Variants in ADGRB3 observed in about 807,000 individuals in gnomAD.
ADGRB3 encodes adhesion G protein-coupled receptor B3.
A neutral mutation model predicts 193.4 loss-of-function variants in ADGRB3; 37 were observed. The observed-to-expected ratio is 0.19, with a 90% CI of 0.15 to 0.25. The LOEUF is 0.25. Among genes scored for constraint, ADGRB3 ranks in the 10% least tolerant of loss-of-function variants. The pLI is 1.00. For synonymous variants in ADGRB3, 690 were observed against 644.2 expected (o/e 1.07, Z -1.08); for missense variants, 1,637 against 1,852.9 (o/e 0.88, Z 2.14).
chr6:68,645,120 G>C (rs1057333331), intron 3 of ADGRB3, among the ~76,000 whole-genome samples: 1 of 151,946 alleles, frequency 6.6e-6, no homozygotes, highest in South Asian at 2.1e-4. Flanking sequence ...AAGCAGTCCG[G>C]CCCTTGGAAA....
intron 11 of ADGRB3, among the ~76,000 whole-genome samples, chr6:69,002,699 G>A (rs1489576776): frequency 2.6e-5 from 4 of 152,090 alleles, no homozygotes; most frequent in Non-Finnish European, 4.4e-5. Context: ...AAATTTGGAA[G>A]CAACTATTAA....
chr6:68,676,805 A>T (rs1769103367), intron 3 of ADGRB3, among the ~76,000 whole-genome samples: 1 of 152,174 alleles, frequency 6.6e-6, no homozygotes, highest in Admixed American at 6.5e-5. Flanking sequence ...CTCATGTGGC[A>T]CCTCTAAGTT....
At chr6:69,387,033 G>T (rs1770087168) in intron 31 of ADGRB3, among the ~76,000 whole-genome samples, 1 of 152,012 alleles carries the variant, frequency 6.6e-6, no homozygotes, top group Non-Finnish European at 1.5e-5. Flanking sequence ...CCATAAGGTA[G>T]GCATTGATCC....
intron 17 of ADGRB3, among the ~76,000 whole-genome samples, chr6:69,215,967 AC>A (rs1048866630): frequency 6.6e-6 from 1 of 152,176 alleles, no homozygotes; most frequent in Non-Finnish European, 1.5e-5. Flanking sequence ...TACCTTGACT[AC>A]TTTCTAGGAC....
intron 3 of ADGRB3, among the ~76,000 whole-genome samples, chr6:68,787,496 G>T (rs1767000968): frequency 1.3e-5 from 2 of 152,152 alleles, no homozygotes; most frequent in African/African-American, 4.8e-5. Flanking sequence ...GCATCCCAGG[G>T]ATGAAGCCCA....
At chr6:68,961,816 GCTC>G (rs1395925172) in intron 8 of ADGRB3, among the ~76,000 whole-genome samples, 3 of 152,086 alleles carry the variant, frequency 2.0e-5, no homozygotes, top group Non-Finnish European at 1.5e-5. Flanking sequence ...ACTTTTTAAA[GCTC>G]CTATTTCATT....
intron 5 of ADGRB3, among the ~76,000 whole-genome samples, chr6:68,943,103 A>T (rs903226750): frequency 6.6e-6 from 1 of 152,130 alleles, no homozygotes; most frequent in Non-Finnish European, 1.5e-5. Context: ...AATTAGTTAA[A>T]TTTCCAGTTC....
chr6:68,683,505 T>G (rs557766065), intron 3 of ADGRB3, among the ~76,000 whole-genome samples: 7 of 152,202 alleles, frequency 4.6e-5, no homozygotes, highest in Non-Finnish European at 7.3e-5. Flanking sequence ...AGTGATTGTT[T>G]TAGACAATGG....
chr6:69,086,920 G>C (rs1772566834), intron 17 of ADGRB3, among the ~76,000 whole-genome samples: 1 of 152,134 alleles, frequency 6.6e-6, no homozygotes, highest in South Asian at 2.1e-4. Context: ...GAATTGCTGT[G>C]TGTGGATATC....
intron 3 of ADGRB3, among the ~76,000 whole-genome samples, chr6:68,881,699 G>A (rs1387022604): frequency 6.6e-6 from 1 of 152,154 alleles, no homozygotes; most frequent in Non-Finnish European, 1.5e-5. Context: ...ACAGTTCACT[G>A]TGGAACACTT....
At chr6:68,751,333 A>T (rs1377368952) in intron 3 of ADGRB3, among the ~76,000 whole-genome samples, 1 of 152,048 alleles carries the variant, frequency 6.6e-6, no homozygotes, top group Non-Finnish European at 1.5e-5. Flanking sequence ...TCGCAAACAG[A>T]ATTTATGCCC....
At chr6:68,929,618 C>G (rs1452488165) in intron 3 of ADGRB3, among the ~76,000 whole-genome samples, 1 of 152,052 alleles carries the variant, frequency 6.6e-6, no homozygotes, top group Admixed American at 6.6e-5. Flanking sequence ...CTCAGTATTC[C>G]CTTCCCATAT....
chr6:69,190,560 A>G (rs977223997), intron 17 of ADGRB3, among the ~76,000 whole-genome samples: 4 of 152,164 alleles, frequency 2.6e-5, no homozygotes, highest in African/African-American at 7.2e-5. Flanking sequence ...GTGTATAACT[A>G]TGTAACAAAG....
At chr6:69,201,631 T>A (rs1474523525) in intron 17 of ADGRB3, among the ~76,000 whole-genome samples, 1 of 152,122 alleles carries the variant, frequency 6.6e-6, no homozygotes, top group South Asian at 2.1e-4. Flanking sequence ...TATATGCCTG[T>A]GCTCTTAACG....
At chr6:68,868,171 C>T (rs73478173) in intron 3 of ADGRB3, among the ~76,000 whole-genome samples, 1 of 152,122 alleles carries the variant, frequency 6.6e-6, no homozygotes. Flanking sequence ...AGGGAAGGGA[C>T]ATGGTAGGAA....
At chr6:69,205,249 C>T (rs925216073) in intron 17 of ADGRB3, among the ~76,000 whole-genome samples, 5 of 151,988 alleles carry the variant, frequency 3.3e-5, no homozygotes, top group South Asian at 4.2e-4. Context: ...CTCATTGCTG[C>T]GGCATTTTTC....
intron 20 of ADGRB3, among the ~76,000 whole-genome samples, chr6:69,309,722 T>C (rs1432508420): frequency 1.3e-5 from 2 of 151,682 alleles, no homozygotes; most frequent in Non-Finnish European, 3.0e-5. Context: ...ATGCATGTGG[T>C]CATAGAGGGA....
Position 69,235,103 on chromosome 6 carries a change from T to A in ADGRB3, c.2679T>A (p.Ile893=). The part of the protein sequence containing the change: ...VGSGLSCLAL[I]TLAVVYAALW... ...GTGGTCTTTCTTGCTTGGCCTTGAT[T>A]ACCCTAGCAGTTGTCTATGCAGCAT... The change falls in exon 19 of 32, where the codon ATT becomes ATA. Residue 893 remains isoleucine, a synonymous_variant. Coordinates refer to ENST00000370598, the MANE Select transcript of ADGRB3 (RefSeq NM_001704.3). 1 of 1,612,408 alleles carries A rather than the reference T, an allele frequency of 6.2e-7. No individual in the cohort carries two copies. The highest frequency in any genetic ancestry group is 8.5e-7 in the Non-Finnish European group (1 of 1,178,514).
Position 69,298,771 on chromosome 6 carries a change from C to A in ADGRB3, c.2815-26101C>A, listed in dbSNP as rs150560912. ...TTTTGTATTAATATGACTTTTTAAA[C>A]TATTCATCCATTGATGGATACTTAG... On this transcript the variant is annotated intron_variant, in intron 20 of 31. Coordinates refer to ENST00000370598, the MANE Select transcript of ADGRB3 (RefSeq NM_001704.3). 5.0e-4 allele frequency among the ~76,000 whole-genome samples: 76 copies of A among 152,108 alleles called. 1 individual carries two copies. The highest frequency in any genetic ancestry group is 1.7e-3 in the African/African-American group (72 of 41,546).
Sources: gnomAD v4.1 joint callset for allele counts (sites outside exome capture counted in the v4.1 genomes callset) on GRCh38, gnomAD v4.1.1 for gene constraint, MANE v1.5 for transcripts, NCBI Gene and HGNC (gene_info 2026-07-23, HGNC 2026-07-21) for gene names.